Variants in FRY observed in about 807,000 individuals in gnomAD.
FRY encodes the protein protein furry homolog.
FRY carries 128 observed loss-of-function variants against 348.4 expected under a neutral mutation model. That is an observed-to-expected ratio of 0.37 (90% CI 0.32 to 0.43). The LOEUF (loss-of-function observed/expected upper bound fraction) is 0.43, where lower values mean the gene tolerates loss of function less well. Ranked by LOEUF, FRY falls within the 20% of genes least tolerant of loss-of-function variation. The probability of loss-of-function intolerance (pLI) is 1.00; values close to 1 mark genes in which losing one functional copy is unlikely to be tolerated. For missense variants in FRY, 2,736 were observed against 3,695.2 expected (o/e 0.74, Z 6.73); for synonymous variants, 1,370 against 1,374.7 (o/e 1.00, Z 0.08).
At chr13:32,247,209 G>GT (rs1886855838) in intron 47 of FRY, 114 bp from the exon 48 acceptor site, 1 of 833,998 alleles carries the variant, frequency 1.2e-6, no homozygotes, top group Non-Finnish European at 2.0e-6. Flanking sequence ...CTGCTGCGCT[G>GT]TTTTAAGTCA....
At chr13:32,039,994 A>T (rs1872688602) in intron 1 of FRY, among the ~76,000 whole-genome samples, 1 of 152,242 alleles carries the variant, frequency 6.6e-6, no homozygotes, top group African/African-American at 2.4e-5. Context: ...AGGATTTCTC[A>T]GCTAATGCCA....
At chr13:32,206,927 G>C (rs1884387429) in intron 31 of FRY, among the ~76,000 whole-genome samples, 1 of 152,078 alleles carries the variant, frequency 6.6e-6, no homozygotes, top group Non-Finnish European at 1.5e-5. Flanking sequence ...CACTGATGTG[G>C]TCTCACATTT....
At chr13:32,212,228 A>G in intron 34 of FRY, 64 bp from the exon 35 acceptor site, 2 of 879,112 alleles carry the variant, frequency 2.3e-6, no homozygotes, top group South Asian at 2.9e-5. Context: ...ATTACTTGAG[A>G]CTTGAGCTTG....
At chr13:32,133,768 CTTTTTTT>C (rs34413710) in intron 8 of FRY, among the ~76,000 whole-genome samples, 8 of 89,286 alleles carry the variant, frequency 9.0e-5, no homozygotes, top group Admixed American at 1.4e-4. Context: ...TTCTTTCTTT[CTTTTTTT>C]TTTTTTTTTT....
chr13:32,261,118 A>T (rs761233247), intron 51 of FRY, among the ~76,000 whole-genome samples: 11 of 152,220 alleles, frequency 7.2e-5, no homozygotes, highest in Non-Finnish European at 1.6e-4. Flanking sequence ...CTGTGGCAGA[A>T]ATAGGCTGGA....
intron 31 of FRY, among the ~76,000 whole-genome samples, chr13:32,208,273 G>A (rs774659806): frequency 2.2e-4 from 33 of 152,380 alleles, no homozygotes; most frequent in Middle Eastern, 3.4e-3. Context: ...CACTTTGTAA[G>A]ACACTGGGTC....
intron 59 of FRY, among the ~76,000 whole-genome samples, chr13:32,293,864 C>T (rs988268593): frequency 2.6e-5 from 4 of 152,216 alleles, no homozygotes; most frequent in Non-Finnish European, 5.9e-5. Flanking sequence ...TAATTGAGCA[C>T]TTAGGTGCTG....
intron 14 of FRY, 130 bp from the exon 15 acceptor site, chr13:32,155,361 G>T: frequency 1.4e-6 from 1 of 736,084 alleles, no homozygotes; most frequent in Non-Finnish European, 2.4e-6. Flanking sequence ...CTACACTCTT[G>T]TGGCTTTTAA....
At chr13:32,182,123 G>A (rs981271607) in intron 23 of FRY, among the ~76,000 whole-genome samples, 1 of 152,176 alleles carries the variant, frequency 6.6e-6, no homozygotes, top group African/African-American at 2.4e-5. Flanking sequence ...GAAAGTACAA[G>A]GTTTTCAAAC....
intron 1 of FRY, among the ~76,000 whole-genome samples, chr13:32,034,392 C>T (rs537134715): frequency 1.3e-5 from 2 of 152,190 alleles, no homozygotes. Context: ...AGCTTTCATT[C>T]GATGTTCATT....
chr13:32,178,129 A>G (rs1176762077), intron 20 of FRY, 48 bp from the exon 21 acceptor site: 1 of 1,605,658 alleles, frequency 6.2e-7, no homozygotes, highest in Non-Finnish European at 8.5e-7. Flanking sequence ...ATGAGGATGG[A>G]TAACTTCAGT....
intron 4 of FRY, among the ~76,000 whole-genome samples, chr13:32,119,681 A>C (rs530972760): frequency 4.6e-5 from 7 of 152,138 alleles, no homozygotes; most frequent in Non-Finnish European, 7.4e-5. Flanking sequence ...TATAATGGAT[A>C]TAAAGCCTGA....
chr13:32,138,554 T>A (rs905662383), intron 11 of FRY, among the ~76,000 whole-genome samples: 1 of 152,190 alleles, frequency 6.6e-6, no homozygotes, highest in African/African-American at 2.4e-5. Flanking sequence ...ATATGAGGGT[T>A]ATATACAACC....
rs1017299228 is a variant in FRY at position 32,136,920 on chromosome 13, T to C, written c.1127T>C (p.Leu376Pro). Residue 376 changes from leucine to proline, a missense_variant, in exon 11 of 61, where the codon CTG (leucine) becomes CCG (proline). Leu to Pro is a moderately conservative substitution (Grantham distance 98, BLOSUM62 -3). Around this residue, in one of 9 missense-constraint regions of FRY, gnomAD observed 191 missense variants for 370.2 expected, o/e 0.52. Coordinates refer to ENST00000542859, the MANE Select transcript of FRY (RefSeq NM_023037.3). ...TTGCTCTGTGTCAGTCAGAAGCAGCTGTTCCTGAACAGGTGGCACATTTTC... is the reference window on the plus strand; with the variant it reads ...TTGCTCTGTGTCAGTCAGAAGCAGCCGTTCCTGAACAGGTGGCACATTTTC... ...TCLLCVSQKQ[L>P]FLNRWHIFLN... 1.9e-6 allele frequency: 3 copies of C among 1,611,882 alleles called. No homozygotes were observed. Among genetic ancestry groups the C allele is most frequent in the Non-Finnish European group, 2.5e-6 (3 of 1,178,032 alleles).
intron 27 of FRY, among the ~76,000 whole-genome samples, chr13:32,187,201 C>A (rs1385539845): frequency 6.6e-6 from 1 of 152,042 alleles, no homozygotes; most frequent in African/African-American, 2.4e-5. Context: ...ATCTTATAAG[C>A]AGAATTCACT....
intron 31 of FRY, 51 bp downstream of exon 31, chr13:32,202,578 G>A (rs146243953): frequency 1.3e-5 from 18 of 1,344,366 alleles, no homozygotes; most frequent in South Asian, 3.5e-5. Flanking sequence ...TAATAATGAC[G>A]TATGTGATCA....
chr13:32,268,376 G>A (rs1888021814), intron 55 of FRY, among the ~76,000 whole-genome samples: 1 of 151,638 alleles, frequency 6.6e-6, no homozygotes, highest in Non-Finnish European at 1.5e-5. Context: ...CCGTGAAAAT[G>A]GCAGTGCTGG....
intron 3 of FRY, among the ~76,000 whole-genome samples, chr13:32,109,123 AG>A (rs1252528216): frequency 6.6e-6 from 1 of 152,204 alleles, no homozygotes; most frequent in Non-Finnish European, 1.5e-5. Flanking sequence ...TGAGACTATA[AG>A]AAAGGACGAT....
intron 1 of FRY, among the ~76,000 whole-genome samples, chr13:32,044,124 T>G (rs1872890489): frequency 6.6e-6 from 1 of 152,234 alleles, no homozygotes; most frequent in Admixed American, 6.5e-5. Flanking sequence ...AGGTTAAAAT[T>G]AACAAGTTCA....
Sources: allele counts gnomAD v4.1 joint callset (sites outside exome capture counted in the v4.1 genomes callset), GRCh38; gene constraint gnomAD v4.1.1; regional missense constraint gnomAD v4.1.1; transcripts MANE v1.5; gene names NCBI Gene and HGNC (gene_info 2026-07-23, HGNC 2026-07-21).